ST7L: variants seen among roughly 807,000 people sequenced by gnomAD.
The protein encoded by ST7L is suppression of tumorigenicity 7 like.
A neutral mutation model predicts 72.5 loss-of-function variants in ST7L; 57 were observed. The observed-to-expected ratio is 0.79, with a 90% CI of 0.64 to 0.98. ST7L has a LOEUF of 0.98. ST7L is among the 50% of genes least tolerant of loss of function. The pLI is 0.00. For missense variants in ST7L, 576 were observed against 672.2 expected, an observed-to-expected ratio of 0.86 and a Z score of 1.58; for synonymous variants, 221 against 240.9, an observed-to-expected ratio of 0.92 and a Z score of 0.77.
intron 13 of ST7L, among the ~76,000 whole-genome samples, chr1:112,547,866 T>C (rs1657424575): frequency 6.6e-6 from 1 of 151,942 alleles, no homozygotes; most frequent in Non-Finnish European, 1.5e-5. Context: ...TCCTGGCCTG[T>C]CCATCATCTT....
intron 3 of ST7L, chr1:112,610,602 T>A: frequency 2.4e-6 from 1 of 411,768 alleles, no homozygotes; most frequent in Non-Finnish European, 4.2e-6. Flanking sequence ...ACGGTAGAAG[T>A]GGCAAGCAGC....
upstream of ST7L, chr1:112,619,199 G>A (rs746896092): frequency 1.4e-4 from 182 of 1,341,452 alleles, no homozygotes; most frequent in Non-Finnish European, 1.8e-4. Context: ...TGGCGGACCT[G>A]AAGTTGGCCT....
chr1:112,614,452 T>C (rs1669546544), intron 2 of ST7L, among the ~76,000 whole-genome samples: 1 of 152,212 alleles, frequency 6.6e-6, no homozygotes, highest in Non-Finnish European at 1.5e-5. Flanking sequence ...TATGCTTATG[T>C]TAAATTATGA....
intron 4 of ST7L, 87 bp downstream of exon 4, chr1:112,600,707 G>T: frequency 1.8e-6 from 2 of 1,142,428 alleles, no homozygotes; most frequent in Non-Finnish European, 2.6e-6. Context: ...TAGAAGAGCT[G>T]CGATATATTT....
chr1:112,607,715 C>T (rs1214872572), intron 3 of ST7L: 1 of 150,674 alleles, frequency 6.6e-6, no homozygotes, highest in African/African-American at 2.4e-5. Flanking sequence ...AAAAAAAAAA[C>T]CCAAAGATTG....
At chr1:112,551,282 G>A (rs929199637) in intron 12 of ST7L, among the ~76,000 whole-genome samples, 3 of 151,420 alleles carry the variant, frequency 2.0e-5, no homozygotes, top group Non-Finnish European at 4.4e-5. Context: ...CTGAGTAGCT[G>A]GGACTACAGG....
chr1:112,599,729 T>G (rs1359538187), intron 4 of ST7L, among the ~76,000 whole-genome samples: 2 of 152,214 alleles, frequency 1.3e-5, no homozygotes, highest in African/African-American at 2.4e-5. Flanking sequence ...TAATTTTTTC[T>G]TAATGTCACA....
intron 10 of ST7L, 142 bp from the exon 11 acceptor site, chr1:112,577,230 A>G (rs1210226658): frequency 2.1e-6 from 1 of 483,188 alleles, no homozygotes; most frequent in Admixed American, 3.9e-5. Context: ...AACAAAAAAA[A>G]AAAAAAAATT....
Position 112,525,874 on chromosome 1 carries a change from AAGC to A in ST7L, c.*136_*138del, listed in dbSNP as rs1653295642. 8.3e-7 allele frequency: 1 copy of A among 1,207,078 alleles called. No individual in the cohort carries two copies. Among genetic ancestry groups the A allele is most frequent in the African/African-American group, 1.5e-5 (1 of 66,092 alleles). 74.8% of individuals were successfully genotyped at this position (1,207,078 alleles called of 1,614,324 possible). ...GCCTAGGAATAACAATATTCATAAG[AAGC>A]TTTTTCATATGCAAAATGCTTTAGC... is the stretch of plus-strand genomic sequence containing the variant. On this transcript the variant is annotated 3_prime_UTR_variant, in exon 15 of 15. Transcript: ENST00000358039.
intron 14 of ST7L, chr1:112,527,725 G>A (rs1653690325): frequency 6.6e-6 from 1 of 152,512 alleles, no homozygotes; most frequent in Admixed American, 6.5e-5. Context: ...TCTTGAAGGT[G>A]TCTAAGTAGA....
At position 112,619,125 on chromosome 1, in the gene ST7L, C is replaced by A. The variant is rs1473920723; in HGVS notation, c.-12G>T. ...CCACGGTCCGCCATCTTGCCGCTAT[C>A]GCAGGCGCCAGGAGCTGGGAGGGGA... On this transcript the variant is annotated 5_prime_UTR_variant, in exon 1 of 15. Coordinates refer to ENST00000358039, the MANE Select transcript of ST7L (RefSeq NM_017744.5). 1 of 1,612,440 alleles carries A rather than the reference C, an allele frequency of 6.2e-7. No individual in the cohort carries two copies. The highest frequency in any genetic ancestry group is 8.5e-7 in the Non-Finnish European group (1 of 1,179,428).
chr1:112,572,701 T>G (rs1296324345), intron 11 of ST7L, among the ~76,000 whole-genome samples: 1 of 151,896 alleles, frequency 6.6e-6, no homozygotes, highest in Admixed American at 6.6e-5. Context: ...CATGTGGAGA[T>G]CCTGTCTCTA....
At position 112,542,067 on chromosome 1, in the gene ST7L, G is replaced by A; in HGVS notation, c.1513C>T (p.Pro505Ser). The A allele has an allele frequency of 6.2e-7, 1 of 1,610,210 alleles. No individual in the cohort carries two copies. Among genetic ancestry groups the A allele is most frequent in the Non-Finnish European group, 8.5e-7 (1 of 1,178,626 alleles). The change falls in exon 14 of 15, where the codon CCA (proline) becomes TCA (serine). Residue 505 changes from proline (P) to serine (S), a missense_variant. Around this residue, in one of 3 missense-constraint regions of ST7L, gnomAD observed 511 missense variants for 600.7 expected, o/e 0.85. Coordinates refer to ENST00000358039, the MANE Select transcript of ST7L (RefSeq NM_017744.5). Reference protein sequence around the residue: ...LPTFHHVSVYPKKELPLFIHF... With the variant: ...LPTFHHVSVYSKKELPLFIHF... The stretch of plus-strand genomic sequence containing the variant: ...ATGAACAAAGGAAGCTCCTTTTTTG[G>A]GTAAACAGAAACATGATGAAAGGCT...
intron 13 of ST7L, 116 bp from the exon 14 acceptor site, chr1:112,542,206 G>GA: frequency 9.3e-7 from 1 of 1,070,172 alleles, no homozygotes; most frequent in South Asian, 2.0e-5. Flanking sequence ...ATTTAAAAAG[G>GA]AAAGTCTCTG....
At position 112,583,658 on chromosome 1, in the gene ST7L, T is replaced by C. The variant is rs946475126; in HGVS notation, c.856+314A>G. On this transcript the variant is annotated intron_variant, in intron 7 of 14. Coordinates refer to ENST00000358039, the MANE Select transcript of ST7L (RefSeq NM_017744.5). ...GCTTATCATCACTAGAAGGCTCTCCTGAATGCTGAAAGTTTTTGAGTTATG... is the reference window on the plus strand; with the variant it reads ...GCTTATCATCACTAGAAGGCTCTCCCGAATGCTGAAAGTTTTTGAGTTATG... 2.0e-5 allele frequency among the ~76,000 whole-genome samples: 3 copies of C among 152,206 alleles called. No individual in the cohort carries two copies. In the East Asian group the frequency reaches 5.8e-4, roughly 29 times the overall value.
chr1:112,599,356 T>C (rs976501370), intron 4 of ST7L, among the ~76,000 whole-genome samples: 1 of 152,002 alleles, frequency 6.6e-6, no homozygotes, highest in Non-Finnish European at 1.5e-5. Flanking sequence ...TCTTTAAGCA[T>C]AGGAGTTATT....
intron 13 of ST7L, 73 bp downstream of exon 13, chr1:112,550,528 A>T (rs771233808): frequency 7.6e-6 from 9 of 1,185,386 alleles, no homozygotes; most frequent in Non-Finnish European, 1.1e-5. Flanking sequence ...GGCATTTTTA[A>T]AATGGAGAAT....
chr1:112,597,946 T>C, intron 5 of ST7L, 25 bp downstream of exon 5: 1 of 1,539,172 alleles, frequency 6.5e-7, no homozygotes, highest in Non-Finnish European at 8.9e-7. Flanking sequence ...TCACTGTTTA[T>C]ACTATGAACA....
chr1:112,596,825 C>T (rs192989614), intron 5 of ST7L, among the ~76,000 whole-genome samples: 13 of 152,088 alleles, frequency 8.5e-5, no homozygotes, highest in African/African-American at 2.7e-4. Flanking sequence ...TTTGTAGAGA[C>T]GGGGTTTTAC....
Sources: gnomAD v4.1 joint callset for allele counts (sites outside exome capture counted in the v4.1 genomes callset) on GRCh38, gnomAD v4.1.1 for gene constraint, gnomAD v4.1.1 regional missense constraint, MANE v1.5 for transcripts, NCBI Gene and HGNC (gene_info 2026-07-23, HGNC 2026-07-21) for gene names.